PTPRD: variants seen among roughly 807,000 people sequenced by gnomAD.
PTPRD encodes protein tyrosine phosphatase receptor type D, also known as receptor-type tyrosine-protein phosphatase delta.
PTPRD carries 34 observed loss-of-function variants against 214.5 expected under a neutral mutation model. The ratio of observed to expected loss-of-function variants is 0.16; its 90% CI spans 0.12 to 0.21. The LOEUF (loss-of-function observed/expected upper bound fraction) is 0.21, where lower values mean the gene tolerates loss of function less well. PTPRD is among the 10% of genes least tolerant of loss of function. The pLI, the probability that PTPRD is intolerant of heterozygous loss-of-function variation, is 1.00. For missense variants in PTPRD, 2,545 were observed against 2,398.7 expected, an observed-to-expected ratio of 1.06 and a Z score of -1.27; for synonymous variants, 1,128 against 845.7, an observed-to-expected ratio of 1.33 and a Z score of -5.79.
intron 14 of PTPRD, among the ~76,000 whole-genome samples, chr9:8,593,422 C>T (rs1411529866): frequency 6.6e-6 from 1 of 152,110 alleles, no homozygotes; most frequent in African/African-American, 2.4e-5. Context: ...GTAAGCTTGC[C>T]TTTGTTGTTG....
intron 2 of PTPRD, among the ~76,000 whole-genome samples, chr9:10,468,139 T>G (rs1387442433): frequency 6.6e-6 from 1 of 152,160 alleles, no homozygotes; most frequent in African/African-American, 2.4e-5. Context: ...GACCCAGCCA[T>G]CCTGTTACTG....
intron 8 of PTPRD, among the ~76,000 whole-genome samples, chr9:9,540,648 T>TA (rs892873086): frequency 1.3e-5 from 2 of 151,756 alleles, no homozygotes; most frequent in African/African-American, 4.8e-5. Context: ...AATCCTGTGG[T>TA]AAAAAATATG....
chr9:10,505,211 T>G (rs566686895), intron 2 of PTPRD, among the ~76,000 whole-genome samples: 6 of 152,304 alleles, frequency 3.9e-5, no homozygotes, highest in South Asian at 2.1e-4. Flanking sequence ...TAATTCAAAT[T>G]CATTCAGCTT....
chr9:8,592,084 A>C (rs1291363940), intron 14 of PTPRD, among the ~76,000 whole-genome samples: 1 of 152,202 alleles, frequency 6.6e-6, no homozygotes, highest in Non-Finnish European at 1.5e-5. Flanking sequence ...TGGTGACTTT[A>C]ACATGGAAAT....
intron 9 of PTPRD, among the ~76,000 whole-genome samples, chr9:9,377,588 G>A (rs1178300916): frequency 2.0e-5 from 3 of 152,086 alleles, no homozygotes; most frequent in Non-Finnish European, 4.4e-5. Context: ...AGGCCACATG[G>A]CCAGCAGAGC....
chr9:9,920,885 C>T (rs1200587460), intron 5 of PTPRD, among the ~76,000 whole-genome samples: 2 of 152,008 alleles, frequency 1.3e-5, no homozygotes, highest in Non-Finnish European at 2.9e-5. Context: ...GCAGGATGAA[C>T]GAAGAAGGAT....
intron 9 of PTPRD, among the ~76,000 whole-genome samples, chr9:9,377,745 T>G (rs1263281258): frequency 6.6e-6 from 1 of 151,758 alleles, no homozygotes; most frequent in Non-Finnish European, 1.5e-5. Context: ...ACAAGGTGGG[T>G]GGTGGGGGCT....
intron 11 of PTPRD, among the ~76,000 whole-genome samples, chr9:8,868,628 T>C (rs1401375959): frequency 6.6e-6 from 1 of 152,206 alleles, no homozygotes; most frequent in Non-Finnish European, 1.5e-5. Flanking sequence ...TTTAAAGTTG[T>C]TTCTTTTTTT....
At chr9:9,708,834 T>G (rs2097673876) in intron 7 of PTPRD, among the ~76,000 whole-genome samples, 1 of 152,054 alleles carries the variant, frequency 6.6e-6, no homozygotes, top group Admixed American at 6.6e-5. Context: ...TTCTATATTT[T>G]TGTTTAGTTA....
At chr9:8,958,641 T>G (rs980283539) in intron 11 of PTPRD, 1 of 151,964 alleles carries the variant, frequency 6.6e-6, no homozygotes, top group African/African-American at 2.4e-5. Flanking sequence ...CATAGTTGGA[T>G]TTGAGCCAAT....
At chr9:9,282,637 A>G (rs1293204677) in intron 9 of PTPRD, among the ~76,000 whole-genome samples, 1 of 151,420 alleles carries the variant, frequency 6.6e-6, no homozygotes, top group Admixed American at 6.6e-5. Flanking sequence ...CTATTTCTTT[A>G]AGCCCACTGA....
chr9:9,691,643 C>A (rs1270793133), intron 7 of PTPRD, among the ~76,000 whole-genome samples: 2 of 151,956 alleles, frequency 1.3e-5, no homozygotes, highest in Non-Finnish European at 2.9e-5. Flanking sequence ...TTATACTCAG[C>A]TTTGGGGTTG....
At chr9:10,083,473 C>A (rs1641472156) in intron 3 of PTPRD, among the ~76,000 whole-genome samples, 1 of 151,962 alleles carries the variant, frequency 6.6e-6, no homozygotes, top group African/African-American at 2.4e-5. Flanking sequence ...CTTCTCAAAG[C>A]CTGGATAAAC....
intron 9 of PTPRD, among the ~76,000 whole-genome samples, chr9:9,190,736 A>T (rs889725819): frequency 1.1e-4 from 16 of 152,140 alleles, no homozygotes; most frequent in African/African-American, 3.9e-4. Context: ...TTGTTACAGC[A>T]GCATAAAATG....
intron 11 of PTPRD, among the ~76,000 whole-genome samples, chr9:8,814,906 T>G (rs2096889318): frequency 6.6e-6 from 1 of 152,204 alleles, no homozygotes; most frequent in Admixed American, 6.5e-5. Flanking sequence ...TCACATAGCT[T>G]TCTGGAGAAG....
In PTPRD at chr9:9,682,809, A is replaced by G. The variant is rs16930031; in HGVS notation, c.-287+51724T>C. 8.1e-3 allele frequency among the ~76,000 whole-genome samples: 1,226 copies of G among 151,912 alleles called. 14 individuals carry two copies. The highest frequency in any genetic ancestry group is 0.028 in the African/African-American group (1,162 of 41,494). ...ACATAGCCACGTGACTGTTCAGTCC[A>G]AATACTGCCTATCAGTACTACAGCA... On this transcript the variant is annotated intron_variant, in intron 7 of 45. Transcript: ENST00000381196.
intron 3 of PTPRD, among the ~76,000 whole-genome samples, chr9:10,185,741 G>GA (rs1554816620): frequency 6.7e-6 from 1 of 149,438 alleles, no homozygotes; most frequent in Non-Finnish European, 1.5e-5. Flanking sequence ...AGAACCAGCG[G>GA]TTTTTTTTTT....
intron 2 of PTPRD, among the ~76,000 whole-genome samples, chr9:10,598,674 A>C (rs10959190): frequency 7.0e-6 from 1 of 143,796 alleles, no homozygotes. Flanking sequence ...TTATATATGT[A>C]TGTGTGTGTG....
At chr9:9,933,416 G>C (rs1468524348) in intron 5 of PTPRD, among the ~76,000 whole-genome samples, 3 of 151,638 alleles carry the variant, frequency 2.0e-5, no homozygotes, top group Admixed American at 2.0e-4. Flanking sequence ...AAAAAAGGCA[G>C]GGGTTGCAAT....
Sources: gnomAD v4.1 joint callset for allele counts (sites outside exome capture counted in the v4.1 genomes callset) on GRCh38, gnomAD v4.1.1 for gene constraint, MANE v1.5 for transcripts, NCBI Gene and HGNC (gene_info 2026-07-23, HGNC 2026-07-21) for gene names.